CAST: variants seen among roughly 807,000 people sequenced by gnomAD.
CAST encodes calpastatin.
A neutral mutation model predicts 119.6 loss-of-function variants in CAST; 76 were observed. That is an observed-to-expected ratio of 0.64 (90% CI 0.53 to 0.77). The LOEUF (loss-of-function observed/expected upper bound fraction) is 0.77. Among genes scored for constraint, CAST ranks in the 30% least tolerant of loss-of-function variants. The probability of loss-of-function intolerance (pLI) is 0.00; values close to 1 mark genes in which losing one functional copy is unlikely to be tolerated. For synonymous variants in CAST, 319 were observed against 331.6 expected, an observed-to-expected ratio of 0.96 and a Z score of 0.41; for missense variants, 953 against 946.5, an observed-to-expected ratio of 1.01 and a Z score of -0.09.
the CAST span, among the ~76,000 whole-genome samples, chr5:96,330,243 A>C: frequency 0.014 from 2,176 of 152,314 alleles, 60 homozygotes; most frequent in African/African-American, 0.05. Flanking sequence ...TGGCAGTTTT[A>C]TATGGTTCCA....
chr5:96,506,606 A>G, the CAST span, among the ~76,000 whole-genome samples: 1 of 152,190 alleles, frequency 6.6e-6, no homozygotes, highest in Non-Finnish European at 1.5e-5. Context: ...AGGAAGGGAA[A>G]GAGCTAATGT....
At chr5:96,123,874 T>C in the CAST span, among the ~76,000 whole-genome samples, 1 of 152,156 alleles carries the variant, frequency 6.6e-6, no homozygotes, top group Non-Finnish European at 1.5e-5. Flanking sequence ...TTCCTTAAAA[T>C]TGCTTAGATT....
chr5:96,091,907 A>T, the CAST span, among the ~76,000 whole-genome samples: 1 of 152,194 alleles, frequency 6.6e-6, no homozygotes, highest in Non-Finnish European at 1.5e-5. Flanking sequence ...GTGAGCACTC[A>T]GTCAGGGTTA....
At position 96,649,898 on chromosome 5, in the gene CAST, C is replaced by T. The variant is rs1459619283; in HGVS notation, c.61-25641C>T. On this transcript the variant is annotated intron_variant, in intron 1 of 11. Transcript: ENST00000505143. ...TTAGGTAATACTGTAATGACGGTAA[C>T]ACAATAGCTAACAGTCATAAAATTT... Among the ~76,000 whole-genome samples, 5 of 152,306 alleles carry T rather than the reference C, an allele frequency of 3.3e-5. No homozygotes were observed. The East Asian group carries it at 7.7e-4, about 23-fold the overall frequency.
intron 3 of CAST, among the ~76,000 whole-genome samples, chr5:96,720,750 G>T (rs1758086620): frequency 6.6e-6 from 1 of 152,220 alleles, no homozygotes; most frequent in African/African-American, 2.4e-5. Context: ...GTTTAATAAA[G>T]TAACAAGGCA....
the CAST span, chr5:96,421,784 G>C: frequency 1.2e-6 from 1 of 802,128 alleles, no homozygotes; most frequent in Non-Finnish European, 2.3e-6. Context: ...CATTTCCTGA[G>C]CACTGGAATG....
At chr5:96,410,237 C>G in the CAST span, among the ~76,000 whole-genome samples, 1 of 152,060 alleles carries the variant, frequency 6.6e-6, no homozygotes, top group South Asian at 2.1e-4. Flanking sequence ...TCTGAGCATA[C>G]GACCTCCCCG....
the CAST span, among the ~76,000 whole-genome samples, chr5:96,261,451 T>C: frequency 5.9e-5 from 9 of 152,074 alleles, no homozygotes; most frequent in African/African-American, 9.7e-5. Context: ...TTATATACCA[T>C]AGGGAAAGGC....
At chr5:96,487,660 C>T in the CAST span, among the ~76,000 whole-genome samples, 1 of 152,212 alleles carries the variant, frequency 6.6e-6, no homozygotes, top group African/African-American at 2.4e-5. Flanking sequence ...TAGCCACTGG[C>T]CTCTCCTTGT....
the CAST span, among the ~76,000 whole-genome samples, chr5:96,238,349 C>CTTCTTCTTT: frequency 5.7e-5 from 3 of 52,708 alleles, no homozygotes; most frequent in Non-Finnish European, 1.3e-4. Context: ...TCTTCTTCAT[C>CTTCTTCTTT]TTCATCTTCT....
At chr5:96,477,514 A>G in the CAST span, among the ~76,000 whole-genome samples, 1 of 152,222 alleles carries the variant, frequency 6.6e-6, no homozygotes, top group African/African-American at 2.4e-5. Context: ...TGTTATCAGC[A>G]ATTACTCTTA....
At chr5:96,502,492 G>C in the CAST span, among the ~76,000 whole-genome samples, 25 of 151,382 alleles carry the variant, frequency 1.7e-4, no homozygotes, top group Admixed American at 1.3e-3. Flanking sequence ...TAAAGAAATT[G>C]TTTAATTAAA....
chr5:95,970,649 C>A, the CAST span, among the ~76,000 whole-genome samples: 5 of 152,146 alleles, frequency 3.3e-5, no homozygotes, highest in African/African-American at 1.2e-4. Flanking sequence ...GAGATAAGGC[C>A]ACTTTCAAAT....
the CAST span, among the ~76,000 whole-genome samples, chr5:96,371,315 A>G: frequency 6.6e-6 from 1 of 152,216 alleles, no homozygotes; most frequent in Non-Finnish European, 1.5e-5. Flanking sequence ...GGGCTAGTCA[A>G]TAAGCTCCCC....
chr5:96,220,928 C>T, the CAST span, among the ~76,000 whole-genome samples: 1 of 152,120 alleles, frequency 6.6e-6, no homozygotes, highest in Non-Finnish European at 1.5e-5. Flanking sequence ...GGAAGAGTTG[C>T]ATCACTCCCT....
chr5:96,224,637 T>G, the CAST span, among the ~76,000 whole-genome samples: 2 of 152,302 alleles, frequency 1.3e-5, no homozygotes, highest in African/African-American at 4.8e-5. Context: ...CCTGTCAACA[T>G]TGTGCTTTTA....
At chr5:96,276,418 A>G in the CAST span, among the ~76,000 whole-genome samples, 1 of 152,184 alleles carries the variant, frequency 6.6e-6, no homozygotes, top group African/African-American at 2.4e-5. Context: ...GTGGCTTTTT[A>G]CATATGTTAT....
At chr5:96,762,675 T>C (rs999257966) in intron 25 of CAST, 2 of 328,098 alleles carry the variant, frequency 6.1e-6, no homozygotes, top group African/African-American at 4.3e-5. Context: ...AATTACTAGA[T>C]TTGAAAAGTT....
At chr5:96,195,125 C>A in the CAST span, among the ~76,000 whole-genome samples, 1 of 152,200 alleles carries the variant, frequency 6.6e-6, no homozygotes, top group Non-Finnish European at 1.5e-5. Flanking sequence ...TGCTGGCAGA[C>A]CCATTTCAGT....
Sources: gnomAD v4.1 joint callset for allele counts (sites outside exome capture counted in the v4.1 genomes callset) on GRCh38, gnomAD v4.1.1 for gene constraint, MANE v1.5 for transcripts, NCBI Gene and HGNC (gene_info 2026-07-23, HGNC 2026-07-21) for gene names.